Variants in NRXN2 observed in about 807,000 individuals in gnomAD.
NRXN2 encodes neurexin 2.
NRXN2 carries 29 observed loss-of-function variants against 128.8 expected under a neutral mutation model. The ratio of observed to expected loss-of-function variants is 0.23; its 90% CI spans 0.17 to 0.31. The LOEUF (loss-of-function observed/expected upper bound fraction) is 0.31, where lower values mean the gene tolerates loss of function less well. NRXN2 is among the 10% of genes least tolerant of loss of function. NRXN2 has a pLI of 1.00. For synonymous variants in NRXN2, 1,098 were observed against 1,075.2 expected, an observed-to-expected ratio of 1.02 and a Z score of -0.41; for missense variants, 1,881 against 2,452.6, an observed-to-expected ratio of 0.77 and a Z score of 4.92.
chr11:64,658,737 C>A (rs2048611557), intron 11 of NRXN2, among the ~76,000 whole-genome samples: 1 of 152,244 alleles, frequency 6.6e-6, no homozygotes, highest in Non-Finnish European at 1.5e-5. Context: ...TTTAAAAGTT[C>A]AAAGTTCAGC....
chr11:64,692,509 A>G (rs2053934041), intron 4 of NRXN2, among the ~76,000 whole-genome samples: 1 of 152,182 alleles, frequency 6.6e-6, no homozygotes, highest in African/African-American at 2.4e-5. Flanking sequence ...AGCAAGATAC[A>G]CTACCAGGAA....
At chr11:64,619,001 T>C (rs2135310168) in intron 22 of NRXN2, among the ~76,000 whole-genome samples, 1 of 152,288 alleles carries the variant, frequency 6.6e-6, no homozygotes, top group Admixed American at 6.5e-5. Context: ...GCTATGGTCC[T>C]GCTCTATCCA....
In NRXN2 at chr11:64,685,626, C is replaced by T; in HGVS notation, c.1152+20G>A. On this transcript the variant is annotated intron_variant, in intron 6 of 22. Transcript: ENST00000265459. ...ACCCCAGGTATAGCTAATCCCTGGC[C>T]TTCTTCTCACTCCTCCTACCTGGCG... The T allele has an allele frequency of 6.2e-7, 1 of 1,614,216 alleles. No individual in the cohort carries two copies. Among genetic ancestry groups the T allele is most frequent in the South Asian group, 1.1e-5 (1 of 91,086 alleles).
At chr11:64,637,872 G>A (rs1457440136) in intron 17 of NRXN2, among the ~76,000 whole-genome samples, 1 of 152,196 alleles carries the variant, frequency 6.6e-6, no homozygotes, top group South Asian at 2.1e-4. Flanking sequence ...GCCCAGAGAG[G>A]GCGGGAGGAA....
chr11:64,642,841 G>A (rs866000957), intron 17 of NRXN2: 2 of 1,077,560 alleles, frequency 1.9e-6, no homozygotes, highest in Non-Finnish European at 1.1e-6. Context: ...CCCCATGGCC[G>A]GGGGCGGGGA....
rs2048846084 is a variant in NRXN2 at position 64,660,326 on chromosome 11, G to A, written c.2389+6C>T. On this transcript the variant is annotated splice_donor_region_variant and intron_variant, in intron 11 of 22. Coordinates refer to ENST00000265459, the MANE Select transcript of NRXN2 (RefSeq NM_015080.4). This position sits in a 1 kb window ranked among gnomAD's most constrained non-coding sequence, Gnocchi z 5.2. The stretch of plus-strand genomic sequence containing the variant: ...GGGGTCAGGAAGCACAGGGCAGGGT[G>A]GTTACCGAGGTTGACAGTGAGCTTC... The A allele has an allele frequency of 2.5e-6, 4 of 1,612,744 alleles. No homozygotes were observed. The highest frequency in any genetic ancestry group is 3.4e-6 in the Non-Finnish European group (4 of 1,179,780).
intron 7 of NRXN2, among the ~76,000 whole-genome samples, chr11:64,669,468 G>A (rs2050339793): frequency 6.6e-6 from 1 of 152,128 alleles, no homozygotes; most frequent in South Asian, 2.1e-4. Context: ...ACGGGGACAG[G>A]GCTAACTTAA....
At chr11:64,618,089 C>T (rs2041805831) in intron 22 of NRXN2, among the ~76,000 whole-genome samples, 1 of 152,216 alleles carries the variant, frequency 6.6e-6, no homozygotes, top group Admixed American at 6.5e-5. Flanking sequence ...TCAGTGACCT[C>T]ACAGATCCCT....
At chr11:64,722,459 G>C (rs1447431814) in intron 1 of NRXN2, among the ~76,000 whole-genome samples, 3 of 151,782 alleles carry the variant, frequency 2.0e-5, no homozygotes, top group Non-Finnish European at 4.4e-5. Context: ...AGGAAAGCCT[G>C]GTCCTCAGTG....
At chr11:64,711,077 A>G (rs2056839865) in intron 2 of NRXN2, among the ~76,000 whole-genome samples, 1 of 152,196 alleles carries the variant, frequency 6.6e-6, no homozygotes, top group African/African-American at 2.4e-5. Context: ...AACTACAGAT[A>G]CACAGGCAAA....
rs1447902966 is a variant in NRXN2, at chr11:64,668,501, T to C, written c.1301A>G (p.Asn434Ser). 1.9e-6 allele frequency: 3 copies of C among 1,613,952 alleles called. No homozygotes were observed. Among genetic ancestry groups the C allele is most frequent in the South Asian group, 1.1e-5 (1 of 91,078 alleles). Residue 434 changes from asparagine (N) to serine (S), a missense_variant, in exon 8 of 23, where the codon AAC (asparagine) becomes AGC (serine). Physicochemically the swap from Asn to Ser is conservative, Grantham distance 46. Transcript: ENST00000265459. Reference protein sequence around the residue: ...DDFFYIGGSPNTADLPGSPVS... With the variant: ...DDFFYIGGSPSTADLPGSPVS... ...GGGCGAGCCCGGCAGGTCAGCTGTG[T>C]TGGGGCTGCCCCCAATGTAGAAGAA...
At chr11:64,668,010 T>C (rs1222099433) in intron 8 of NRXN2, among the ~76,000 whole-genome samples, 2 of 152,194 alleles carry the variant, frequency 1.3e-5, no homozygotes, top group African/African-American at 4.8e-5. Context: ...TTCCACTCAA[T>C]GAAGTATGTT....
intron 2 of NRXN2, among the ~76,000 whole-genome samples, chr11:64,702,129 G>T (rs917859714): frequency 1.5e-5 from 2 of 137,616 alleles, no homozygotes; most frequent in Non-Finnish European, 3.1e-5. Context: ...GGAGGTAGGT[G>T]GGGGGGTCAG....
rs79865718 is a variant in NRXN2 at position 64,718,802 on chromosome 11, C to A, written c.-245+4169G>T. ...GGCAGACGGTGAACAGTTCCTACCT[C>A]CCCCTTCCTTCCAGCCGTGATGATC... On this transcript the variant is annotated intron_variant, in intron 1 of 22. Coordinates refer to ENST00000265459, the MANE Select transcript of NRXN2 (RefSeq NM_015080.4). Among the ~76,000 whole-genome samples, 1,266 of 152,256 alleles carry A rather than the reference C, an allele frequency of 8.3e-3. 20 individuals carry two copies. The highest frequency in any genetic ancestry group is 0.029 in the African/African-American group (1,212 of 41,532).
chr11:64,617,869 G>C (rs1250728198), intron 22 of NRXN2, among the ~76,000 whole-genome samples: 2 of 152,244 alleles, frequency 1.3e-5, no homozygotes, highest in Admixed American at 6.5e-5. Flanking sequence ...ATGTGGACGT[G>C]TAAGCATGTG....
In NRXN2 at chr11:64,630,300, C is replaced by T; in HGVS notation, c.3757+102G>A. The T allele has an allele frequency of 8.7e-7, 1 of 1,155,176 alleles. No individual in the cohort carries two copies. Among genetic ancestry groups the T allele is most frequent in the Non-Finnish European group, 1.2e-6 (1 of 840,352 alleles). 71.6% of individuals were successfully genotyped at this position (1,155,176 alleles called of 1,614,324 possible). On this transcript the variant is annotated intron_variant, in intron 19 of 22. Coordinates refer to ENST00000265459, the MANE Select transcript of NRXN2 (RefSeq NM_015080.4). This position sits in a 1 kb window ranked among gnomAD's most constrained non-coding sequence, Gnocchi z 4.6. Reference sequence around the variant, plus strand: ...GCCCCGCCCCAGAGCCGCTTAGCCCCGCCCCAGAGCCGCTTAGCCCCGCCC... The same window carrying T: ...GCCCCGCCCCAGAGCCGCTTAGCCCTGCCCCAGAGCCGCTTAGCCCCGCCC...
intron 3 of NRXN2, 168 bp from the exon 4 acceptor site, chr11:64,693,044 A>AC (rs1390883330): frequency 1.5e-6 from 1 of 687,510 alleles, no homozygotes; most frequent in Non-Finnish European, 2.5e-6. Flanking sequence ...TGTGACAGAC[A>AC]TCGGGGGGAG....
chr11:64,679,486 A>G (rs2051864748), intron 6 of NRXN2, among the ~76,000 whole-genome samples: 1 of 151,806 alleles, frequency 6.6e-6, no homozygotes, highest in Non-Finnish European at 1.5e-5. Context: ...AAATACAAAA[A>G]ATTAGCCAGG....
At chr11:64,658,797 C>T (rs1050115336) in intron 11 of NRXN2, among the ~76,000 whole-genome samples, 2 of 152,146 alleles carry the variant, frequency 1.3e-5, no homozygotes, top group Non-Finnish European at 1.5e-5. Context: ...GAGGCCGAGG[C>T]GGGTGGATCA....
Sources: allele counts gnomAD v4.1 joint callset (sites outside exome capture counted in the v4.1 genomes callset), GRCh38; gene constraint gnomAD v4.1.1; non-coding constraint Gnocchi (gnomAD v3.1); transcripts MANE v1.5; gene names NCBI Gene and HGNC (gene_info 2026-07-23, HGNC 2026-07-21).